EPB41L3: variants seen among roughly 807,000 people sequenced by gnomAD.
EPB41L3 encodes erythrocyte membrane protein band 4.1 like 3.
A neutral mutation model predicts 127.1 loss-of-function variants in EPB41L3; 57 were observed. The observed-to-expected ratio is 0.45, with a 90% confidence interval of 0.36 to 0.56. The LOEUF (loss-of-function observed/expected upper bound fraction) is 0.56, where lower values mean the gene tolerates loss of function less well. Ranked by LOEUF, EPB41L3 falls within the 20% of genes least tolerant of loss-of-function variation. The probability of loss-of-function intolerance (pLI) is 0.00; values close to 1 mark genes in which losing one functional copy is unlikely to be tolerated. For missense variants in EPB41L3, 1,273 were observed against 1,372.2 expected (o/e 0.93, Z 1.14); for synonymous variants, 572 against 549.5 (o/e 1.04, Z -0.57).
intron 14 of EPB41L3, among the ~76,000 whole-genome samples, chr18:5,409,649 C>T (rs2075944700): frequency 6.6e-6 from 1 of 151,330 alleles, no homozygotes; most frequent in Non-Finnish European, 1.5e-5. Context: ...ACAGATACCA[C>T]TTACAATATT....
chr18:5,400,653 T>C (rs2074355535), intron 16 of EPB41L3: 2 of 485,044 alleles, frequency 4.1e-6, no homozygotes, highest in Admixed American at 4.7e-5. Flanking sequence ...TTCATCTAAA[T>C]TAGCACGACT....
intron 3 of EPB41L3, among the ~76,000 whole-genome samples, chr18:5,477,279 G>A (rs1186058850): frequency 2.6e-5 from 4 of 152,254 alleles, no homozygotes; most frequent in South Asian, 2.1e-4. Flanking sequence ...AAATATGTGA[G>A]GACACACATG....
At chr18:5,414,252 G>A (rs1354196259) in intron 13 of EPB41L3, among the ~76,000 whole-genome samples, 1 of 152,106 alleles carries the variant, frequency 6.6e-6, no homozygotes, top group Non-Finnish European at 1.5e-5. Context: ...TGATATTAAA[G>A]CCTAGGATTT....
In EPB41L3 at chr18:5,415,834, T is replaced by C. The variant is rs765000990; in HGVS notation, c.2051A>G (p.Asp684Gly). Residue 684 changes from aspartate (D) to glycine (G), a missense_variant, in exon 13 of 23, where the codon GAC becomes GGC. Around this residue, in one of 3 missense-constraint regions of EPB41L3, gnomAD observed 765 missense variants for 782.9 expected, o/e 0.98. Transcript: ENST00000341928. The stretch of plus-strand genomic sequence containing the variant: ...GGTACACACCTCTTCCTCTGAACTG[T>C]CACTCGGGTCATTGTCTAGGGAGGC... The part of the protein sequence containing the change: ...LSASLDNDPS[D>G]SSEEETDSER... The C allele has an allele frequency of 5.6e-6, 9 of 1,612,588 alleles. No homozygotes were observed. The South Asian group carries it at 9.9e-5, about 18-fold the overall frequency.
At chr18:5,412,737 C>T (rs1242208453) in intron 13 of EPB41L3, among the ~76,000 whole-genome samples, 1 of 152,046 alleles carries the variant, frequency 6.6e-6, no homozygotes, top group African/African-American at 2.4e-5. Context: ...TCTGTTCAAA[C>T]CTGTGGCACA....
chr18:5,610,000 G>T, intron 3 of EPB41L3: 2 of 624,188 alleles, frequency 3.2e-6, no homozygotes, highest in Non-Finnish European at 4.0e-6. Context: ...CAGGAGGACT[G>T]AGTCTAACTG....
chr18:5,425,465 A>T (rs2078042901), intron 9 of EPB41L3, among the ~76,000 whole-genome samples: 2 of 152,148 alleles, frequency 1.3e-5, no homozygotes, highest in South Asian at 4.1e-4. Flanking sequence ...TTCATCCTGC[A>T]ACTAATATGC....
intron 3 of EPB41L3, among the ~76,000 whole-genome samples, chr18:5,588,064 T>A (rs145534129): frequency 1.3e-5 from 2 of 152,162 alleles, no homozygotes; most frequent in Non-Finnish European, 2.9e-5. Context: ...TTTAAATAAA[T>A]ATAAGGTACT....
At chr18:5,474,615 T>C (rs1463169518) in intron 3 of EPB41L3, among the ~76,000 whole-genome samples, 1 of 152,196 alleles carries the variant, frequency 6.6e-6, no homozygotes, top group African/African-American at 2.4e-5. Context: ...CATCACAATT[T>C]TATGAAAATA....
rs749420452 is a variant in EPB41L3 at position 5,592,136 on chromosome 18, G to T, written c.-306+20204C>A. 2.2e-4 allele frequency among the ~76,000 whole-genome samples: 33 copies of T among 152,128 alleles called. 1 individual carries two copies. The highest frequency in any genetic ancestry group is 2.8e-4 in the Non-Finnish European group (19 of 68,022). ...GCTACAAAAACTTGCAATTAGAAAA[G>T]TCATTCAAGTCTTTATTATTTTGTT... On this transcript the variant is annotated intron_variant, in intron 3 of 21. Transcript: ENST00000545076.
At chr18:5,502,635 T>C (rs770062029) in intron 1 of EPB41L3, among the ~76,000 whole-genome samples, 64 of 152,112 alleles carry the variant, frequency 4.2e-4, no homozygotes, top group Middle Eastern at 3.2e-3. Context: ...GAGGAGAAGC[T>C]GAAAAGGAGG....
chr18:5,620,161 A>C (rs1278002517), intron 1 of EPB41L3, among the ~76,000 whole-genome samples: 1 of 152,216 alleles, frequency 6.6e-6, no homozygotes, highest in Non-Finnish European at 1.5e-5. Flanking sequence ...ATCTATGACA[A>C]TGCTTCAGGA....
intron 3 of EPB41L3, among the ~76,000 whole-genome samples, chr18:5,552,132 A>T (rs571729220): frequency 6.6e-6 from 1 of 152,378 alleles, no homozygotes; most frequent in East Asian, 1.9e-4. Flanking sequence ...TGACATGTGC[A>T]TGTGCCCATT....
At chr18:5,450,088 G>A (rs1178412311) in intron 3 of EPB41L3, among the ~76,000 whole-genome samples, 1 of 152,036 alleles carries the variant, frequency 6.6e-6, no homozygotes, top group Non-Finnish European at 1.5e-5. Flanking sequence ...GATAATGGGG[G>A]GGACTACTGT....
chr18:5,609,194 A>C (rs575435145), intron 3 of EPB41L3, among the ~76,000 whole-genome samples: 3 of 152,184 alleles, frequency 2.0e-5, no homozygotes, highest in Non-Finnish European at 4.4e-5. Flanking sequence ...TAATCAAGAC[A>C]ATAATTTTCC....
chr18:5,541,797 C>T (rs974564814), intron 1 of EPB41L3, among the ~76,000 whole-genome samples: 1 of 152,152 alleles, frequency 6.6e-6, no homozygotes, highest in Middle Eastern at 3.2e-3. Flanking sequence ...TGACATTTGA[C>T]CTACAGCTCC....
At chr18:5,494,011 C>G (rs1162172704) in intron 1 of EPB41L3, among the ~76,000 whole-genome samples, 1 of 152,154 alleles carries the variant, frequency 6.6e-6, no homozygotes. Context: ...TCTTTAAATT[C>G]TCTTTCTTGG....
At chr18:5,490,949 C>T (rs1568408935) in intron 1 of EPB41L3, among the ~76,000 whole-genome samples, 1 of 152,228 alleles carries the variant, frequency 6.6e-6, no homozygotes, top group African/African-American at 2.4e-5. Flanking sequence ...GTAACCACTA[C>T]CCCCCATCTC....
chr18:5,471,930 T>C (rs1396543264), intron 3 of EPB41L3, among the ~76,000 whole-genome samples: 3 of 152,168 alleles, frequency 2.0e-5, no homozygotes, highest in African/African-American at 7.2e-5. Context: ...TTATCTCACA[T>C]AGAGCATCGA....
Sources: allele counts gnomAD v4.1 joint callset (sites outside exome capture counted in the v4.1 genomes callset), GRCh38; gene constraint gnomAD v4.1.1; regional missense constraint gnomAD v4.1.1; transcripts MANE v1.5; gene names NCBI Gene and HGNC (gene_info 2026-07-23, HGNC 2026-07-21).